Variants in CES2 observed in about 807,000 individuals in gnomAD.
CES2 encodes cocaine esterase.
CES2 carries 42 observed loss-of-function variants against 52.1 expected under a neutral mutation model. The ratio of observed to expected loss-of-function variants is 0.81; its 90% CI spans 0.63 to 1.04. The LOEUF (loss-of-function observed/expected upper bound fraction) is 1.04. Among genes scored for constraint, CES2 ranks in the 50% least tolerant of loss-of-function variants. The pLI is 0.00. For synonymous variants in CES2, 277 were observed against 289.6 expected (o/e 0.96, Z 0.44); for missense variants, 656 against 724.3 (o/e 0.91, Z 1.08).
At chr16:66,941,074 C>T (rs1175175880) in intron 5 of CES2, 50 bp from the exon 6 acceptor site, 1 of 1,608,886 alleles carries the variant, frequency 6.2e-7, no homozygotes, top group Non-Finnish European at 8.5e-7. Flanking sequence ...GGGCAAACTC[C>T]TCTCCTCTAC....
At position 66,940,374 on chromosome 16, in the gene CES2, T is replaced by TGGGCAACCCGGGCTGAGCGGGGCCA; in HGVS notation, c.557+22_558-36dup. Reference sequence around the variant, plus strand: ...TCTTCAGGTGAGACTAGGGCTGGGCTGGGCAACCCGGGCTGAGCGGGGCCA... The same window carrying TGGGCAACCCGGGCTGAGCGGGGCCA: ...TCTTCAGGTGAGACTAGGGCTGGGCTGGGCAACCCGGGCTGAGCGGGGCCAGGGCAACCCGGGCTGAGCGGGGCCA... On this transcript the variant is annotated intron_variant, in intron 4 of 11. Coordinates refer to ENST00000317091, the MANE Select transcript of CES2 (RefSeq NM_001365405.1). The TGGGCAACCCGGGCTGAGCGGGGCCA allele has an allele frequency of 6.2e-7, 1 of 1,614,190 alleles. No homozygotes were observed. Among genetic ancestry groups the TGGGCAACCCGGGCTGAGCGGGGCCA allele is most frequent in the South Asian group, 1.1e-5 (1 of 91,088 alleles).
chr16:66,943,852 G>C lies in CES2; in HGVS notation c.1507G>C (p.Glu503Gln). Residue 503 changes from glutamate (E) to glutamine (Q), a missense_variant, in exon 12 of 12, where the codon GAG (glutamate) becomes CAG (glutamine). Transcript: ENST00000317091. This position sits in a 1 kb window ranked among gnomAD's most constrained non-coding sequence, Gnocchi z 4.2. ...NFARNGNPNG[E>Q]GLPHWPLFDQ... is the part of the protein sequence containing the mutation. ...GCATGTCTACAGGAACCCCAATGGC[G>C]AGGGTCTGCCACACTGGCCGCTGTT... 6.3e-7 allele frequency: 1 copy of C among 1,597,268 alleles called. No homozygotes were observed. Among genetic ancestry groups the C allele is most frequent in the South Asian group, 1.1e-5 (1 of 89,546 alleles).
At position 66,938,023 on chromosome 16, in the gene CES2, C is replaced by T. The variant is rs759682020; in HGVS notation, c.77-14C>T. 3 of 1,610,450 alleles carry T rather than the reference C, an allele frequency of 1.9e-6. No individual in the cohort carries two copies. The highest frequency in any genetic ancestry group is 2.5e-6 in the Non-Finnish European group (3 of 1,176,780). On this transcript the variant is annotated splice_polypyrimidine_tract_variant and intron_variant, in intron 1 of 11. Coordinates refer to ENST00000317091, the MANE Select transcript of CES2 (RefSeq NM_001365405.1). The stretch of plus-strand genomic sequence containing the variant: ...GGTCAAACCCAACCGTGATGTCTGT[C>T]TCTCTGCCCACAGGCCAGGACTCAG...
chr16:66,936,080 A>C (rs1348503865), intron 1 of CES2: 14 of 1,055,492 alleles, frequency 1.3e-5, no homozygotes, highest in Non-Finnish European at 1.2e-6. Flanking sequence ...GCCGGTAATA[A>C]CAGTAATAGC....
In CES2 at chr16:66,938,414, G is replaced by A. The variant is rs571443920; in HGVS notation, c.281+173G>A. 9 of 608,974 alleles carry A rather than the reference G, an allele frequency of 1.5e-5. No individual in the cohort carries two copies. The South Asian group carries it at 1.8e-4, about 12-fold the overall frequency. 37.7% of individuals were successfully genotyped at this position (608,974 alleles called of 1,614,324 possible). A position where few individuals can be genotyped will look rare whatever the true frequency, so the allele number is the denominator to read the frequency against. ...CCAATGAGCATGCTGAGGCTCAGGA[G>A]GGCAGAATAACTTCTCAGACTCCTG... On this transcript the variant is annotated intron_variant, in intron 2 of 11. Coordinates refer to ENST00000317091, the MANE Select transcript of CES2 (RefSeq NM_001365405.1).
In CES2 at chr16:66,944,093, C is replaced by T; in HGVS notation, c.*68C>T. On this transcript the variant is annotated 3_prime_UTR_variant, in exon 12 of 12. Coordinates refer to ENST00000317091, the MANE Select transcript of CES2 (RefSeq NM_001365405.1). Reference sequence around the variant, plus strand: ...AGGGTCAGCCTGCTGTGCCCACACACACCCACTAAGGAGAAAGAAGTTGAT... The same window carrying T: ...AGGGTCAGCCTGCTGTGCCCACACATACCCACTAAGGAGAAAGAAGTTGAT... The T allele has an allele frequency of 2.6e-6, 2 of 769,144 alleles. No homozygotes were observed. Among genetic ancestry groups the T allele is most frequent in the Admixed American group, 3.1e-5 (1 of 31,848 alleles). The allele number at this position is 769,144 out of a possible 1,614,324, so 47.6% of individuals were successfully genotyped here.
chr16:66,942,906 T>C (rs1963401005), intron 10 of CES2, 121 bp downstream of exon 10: 2 of 1,518,046 alleles, frequency 1.3e-6, no homozygotes, highest in Non-Finnish European at 8.9e-7. Flanking sequence ...TGAGATCAGG[T>C]GTCCAAGGTT....
chr16:66,936,026 A>C (rs1189435237), intron 1 of CES2: 39 of 1,311,186 alleles, frequency 3.0e-5, no homozygotes, highest in Non-Finnish European at 3.8e-5. Context: ...GTGGGGATTC[A>C]GTCCATTTCC....
At chr16:66,939,972 C>T (rs28382819) in intron 3 of CES2, among the ~76,000 whole-genome samples, 168 of 152,346 alleles carry the variant, frequency 1.1e-3, no homozygotes, top group South Asian at 1.9e-3. Context: ...CACCCCTTTT[C>T]TTTCCACTTT....
At chr16:66,942,523 C>T in intron 9 of CES2, 125 bp from the exon 10 acceptor site, 1 of 1,088,264 alleles carries the variant, frequency 9.2e-7, no homozygotes, top group South Asian at 1.6e-5. Flanking sequence ...CTGCCCCAGC[C>T]TGGGGCTCCA....
In CES2 at chr16:66,944,843, C is replaced by G. The variant is rs1215261253; in HGVS notation, c.*818C>G. The G allele has an allele frequency of 6.6e-6, 1 of 152,266 alleles. No individual in the cohort carries two copies. Among genetic ancestry groups the G allele is most frequent in the Non-Finnish European group, 1.5e-5 (1 of 68,096 alleles). The allele number at this position is 152,266 out of a possible 1,614,324, so 9.4% of individuals were successfully genotyped here. A position where few individuals can be genotyped will look rare whatever the true frequency, so the allele number is the denominator to read the frequency against. On this transcript the variant is annotated 3_prime_UTR_variant, in exon 12 of 12. Coordinates refer to ENST00000317091, the MANE Select transcript of CES2 (RefSeq NM_001365405.1). The stretch of plus-strand genomic sequence containing the variant: ...CTCTTGCTAGACACACTCCATAGAT[C>G]CCCCCACTGAGCTGTGGATGGGCAA...
At position 66,938,116 on chromosome 16, in the gene CES2, T is replaced by C. The variant is rs777226750; in HGVS notation, c.156T>C (p.Asn52=). Residue 52 remains asparagine (N), a synonymous_variant, in exon 2 of 12, where the codon AAT becomes AAC. Transcript: ENST00000317091. The stretch of plus-strand genomic sequence containing the variant: ...GTCTTGTCCATGTGAAGGGCGCCAA[T>C]GCCGGGGTCCAAACCTTCCTGGGAA... ...LGSLVHVKGA[N]AGVQTFLGIP... 1 of 1,614,094 alleles carries C rather than the reference T, an allele frequency of 6.2e-7. No homozygotes were observed. Among genetic ancestry groups the C allele is most frequent in the Non-Finnish European group, 8.5e-7 (1 of 1,179,998 alleles).
chr16:66,935,335 G>A (rs1963172094), upstream of CES2: 3 of 1,216,754 alleles, frequency 2.5e-6, no homozygotes, highest in Admixed American at 2.3e-5. Flanking sequence ...TCCCTGGATC[G>A]CGGAAGGGCT....
Position 66,941,236 on chromosome 16 carries a change from G to A in CES2, c.915+14G>A. The A allele has an allele frequency of 6.2e-7, 1 of 1,613,760 alleles. No individual in the cohort carries two copies. The highest frequency in any genetic ancestry group is 1.1e-5 in the South Asian group (1 of 90,958). The stretch of plus-strand genomic sequence containing the variant: ...GCAATTAACAAGGTTGGTCTAAATG[G>A]ATGTGGGTGTAGAGGAAGGGGTGCA... On this transcript the variant is annotated intron_variant, in intron 6 of 11. Coordinates refer to ENST00000317091, the MANE Select transcript of CES2 (RefSeq NM_001365405.1).
intron 8 of CES2, 46 bp downstream of exon 8, chr16:66,941,894 T>C (rs766613669): frequency 3.7e-6 from 6 of 1,611,450 alleles, no homozygotes; most frequent in South Asian, 1.1e-5. Flanking sequence ...GCTCCTCTCC[T>C]GTCCTGAGAC....
At position 66,942,788 on chromosome 16, in the gene CES2, G is replaced by A; in HGVS notation, c.1420+3G>A. The A allele has an allele frequency of 6.2e-7, 1 of 1,614,236 alleles. No individual in the cohort carries two copies. Among genetic ancestry groups the A allele is most frequent in the Middle Eastern group, 1.6e-4 (1 of 6,062 alleles). The stretch of plus-strand genomic sequence containing the variant: ...AAGTTTCTTTGGGGGCAACTACAGT[G>A]AGTCTTCTTCCTTTCCCGGGAGGTG... On this transcript the variant is annotated splice_donor_region_variant and intron_variant, in intron 10 of 11. Coordinates refer to ENST00000317091, the MANE Select transcript of CES2 (RefSeq NM_001365405.1).
chr16:66,935,860 C>T, intron 1 of CES2, 149 bp downstream of exon 1: 1 of 1,510,076 alleles, frequency 6.6e-7, no homozygotes, highest in Middle Eastern at 2.3e-4. Flanking sequence ...CACGCAACGC[C>T]TCCCCGCCGC....
chr16:66,941,367 G>C, intron 6 of CES2, 139 bp from the exon 7 acceptor site: 2 of 1,511,016 alleles, frequency 1.3e-6, no homozygotes, highest in Admixed American at 3.9e-5. Flanking sequence ...GAAGGTCGGT[G>C]CATGCTGAGC....
chr16:66,939,284 G>C lies in CES2; in HGVS notation c.349G>C (p.Asp117His), dbSNP rs758448458. 1 of 1,613,942 alleles carries C rather than the reference G, an allele frequency of 6.2e-7. No homozygotes were observed. Among genetic ancestry groups the C allele is most frequent in the Admixed American group, 1.7e-5 (1 of 60,026 alleles). The change falls in exon 3 of 12, where the codon GAC becomes CAC. Residue 117 changes from aspartate (D) to histidine (H), a missense_variant. Coordinates refer to ENST00000317091, the MANE Select transcript of CES2 (RefSeq NM_001365405.1). Reference sequence around the variant, plus strand: ...CCAGTTCAACATGACCTTCCCTTCCGACTCCATGTCTGAGGACTGCCTGTA... The same window carrying C: ...CCAGTTCAACATGACCTTCCCTTCCCACTCCATGTCTGAGGACTGCCTGTA... ...LSQFNMTFPS[D>H]SMSEDCLYLS...
Sources: gnomAD v4.1 joint callset for allele counts (sites outside exome capture counted in the v4.1 genomes callset) on GRCh38, gnomAD v4.1.1 for gene constraint, Gnocchi (gnomAD v3.1) non-coding constraint, MANE v1.5 for transcripts, NCBI Gene and HGNC (gene_info 2026-07-23, HGNC 2026-07-21) for gene names.